TMEM143: variants seen among roughly 807,000 people sequenced by gnomAD.
TMEM143 encodes the protein transmembrane protein 143.
In TMEM143, 45 loss-of-function variants were observed where a neutral mutation model predicts 40.3. That is an observed-to-expected ratio of 1.12 (90% CI 0.88 to 1.43). The LOEUF is 1.43. Ranked by LOEUF, TMEM143 falls within the 40% of genes most tolerant of loss-of-function variation. TMEM143 has a pLI of 0.00. For synonymous variants in TMEM143, 299 were observed against 282.7 expected, an observed-to-expected ratio of 1.06 and a Z score of -0.58; for missense variants, 620 against 613.4, an observed-to-expected ratio of 1.01 and a Z score of -0.11.
chr19:48,338,852 G>T (rs1261921691), intron 6 of TMEM143, among the ~76,000 whole-genome samples: 2 of 149,794 alleles, frequency 1.3e-5, no homozygotes, highest in African/African-American at 2.6e-5. Flanking sequence ...GGGACATCCG[G>T]GAAGGCTTCC....
In TMEM143 at chr19:48,334,180, G is replaced by A. The variant is rs374164587; in HGVS notation, c.993C>T (p.Arg331=). ...LRASKMFGQR[R]SAQALELAHM... The stretch of plus-strand genomic sequence containing the variant: ...GCGCCAGCTCCAACGCCTGCGCGCT[G>A]CGCCGCTGCCCGAACATCTGCAGGC... The change falls in exon 7 of 8, where the codon CGC becomes CGT. Residue 331 remains arginine (R), a synonymous_variant. Transcript: ENST00000293261. 2.1e-5 allele frequency: 34 copies of A among 1,604,210 alleles called. No individual in the cohort carries two copies. Among genetic ancestry groups the A allele is most frequent in the African/African-American group, 2.0e-4 (15 of 74,904 alleles).
Position 48,333,176 on chromosome 19 carries a change from C to T in TMEM143, c.*43G>A, listed in dbSNP as rs766210241. 11 of 1,370,686 alleles carry T rather than the reference C, an allele frequency of 8.0e-6. No individual in the cohort carries two copies. Among genetic ancestry groups the T allele is most frequent in the Admixed American group, 2.6e-5 (1 of 38,420 alleles). The allele number at this position is 1,370,686 out of a possible 1,614,324, so 84.9% of individuals were successfully genotyped here. On this transcript the variant is annotated 3_prime_UTR_variant, in exon 8 of 8. Coordinates refer to ENST00000293261, the MANE Select transcript of TMEM143 (RefSeq NM_018273.4). This position sits in a 1 kb window ranked among gnomAD's most constrained non-coding sequence, Gnocchi z 4.1. ...ACAGCCTGTCGTGAAGGAGGCGGGG[C>T]TTAGTTCCTAGCCTGCTGACTGGGC...
chr19:48,345,209 T>C lies in TMEM143; in HGVS notation c.515A>G (p.Asp172Gly), dbSNP rs1446589679. The change falls in exon 4 of 8, where the codon GAC (aspartate) becomes GGC (glycine). Residue 172 changes from aspartate to glycine, a missense_variant. By Grantham distance (94) the Asp-to-Gly change is moderately conservative. Transcript: ENST00000293261. ...AQANFSPLSE[D>G]TLAYALVVHH... Reference sequence around the variant, plus strand: ...GACCACCAGCGCGTAGGCCAGGGTGTCCTCAGACAGCGGGGAGAAGTTGGC... The same window carrying C: ...GACCACCAGCGCGTAGGCCAGGGTGCCCTCAGACAGCGGGGAGAAGTTGGC... The C allele has an allele frequency of 6.2e-7, 1 of 1,613,444 alleles. No individual in the cohort carries two copies. Among genetic ancestry groups the C allele is most frequent in the Non-Finnish European group, 8.5e-7 (1 of 1,179,680 alleles).
rs535016765 is a variant in TMEM143 at position 48,353,844 on chromosome 19, G to T, written c.369+6228C>A. 3.3e-5 allele frequency among the ~76,000 whole-genome samples: 5 copies of T among 151,642 alleles called. No individual in the cohort carries two copies. The South Asian group carries it at 1.0e-3, about 32-fold the overall frequency. On this transcript the variant is annotated intron_variant, in intron 3 of 7. Coordinates refer to ENST00000293261, the MANE Select transcript of TMEM143 (RefSeq NM_018273.4). ...GGAAGATGGAGACAGGGGTTGGAGT[G>T]ACTCATCTACAAGCCAAGGAGCACC...
intron 4 of TMEM143, among the ~76,000 whole-genome samples, 200 bp from the exon 5 acceptor site, chr19:48,343,651 C>A (rs1303715760): frequency 6.6e-6 from 1 of 152,198 alleles, no homozygotes; most frequent in Non-Finnish European, 1.5e-5. Context: ...CAGTGCCATT[C>A]ACGTAGAAGT....
chr19:48,353,891 G>A (rs1431483218), intron 3 of TMEM143, among the ~76,000 whole-genome samples: 1 of 151,546 alleles, frequency 6.6e-6, no homozygotes, highest in Non-Finnish European at 1.5e-5. Context: ...GCAGCTACAG[G>A]AAGCCAGGAG....
rs754281558 is a variant in TMEM143, at chr19:48,360,196, A to C, written c.265-20T>G. The C allele has an allele frequency of 6.2e-7, 1 of 1,611,896 alleles. No homozygotes were observed. Among genetic ancestry groups the C allele is most frequent in the East Asian group, 2.2e-5 (1 of 44,856 alleles). On this transcript the variant is annotated intron_variant, in intron 2 of 7. Coordinates refer to ENST00000293261, the MANE Select transcript of TMEM143 (RefSeq NM_018273.4). ...GAATTCCTGTTACCTCAGGAAGCAA[A>C]ACTTCTCTGTAGGCCTTTTCCCCTT...
intron 3 of TMEM143, among the ~76,000 whole-genome samples, chr19:48,348,248 T>C (rs1483902331): frequency 6.6e-6 from 1 of 152,166 alleles, no homozygotes; most frequent in Non-Finnish European, 1.5e-5. Flanking sequence ...GATTCTCTTC[T>C]GGAAACTTCA....
At chr19:48,336,060 C>T (rs1969359322) in intron 6 of TMEM143, among the ~76,000 whole-genome samples, 1 of 152,092 alleles carries the variant, frequency 6.6e-6, no homozygotes, top group Non-Finnish European at 1.5e-5. Context: ...GAAATGAGGG[C>T]ATCAGTGCCC....
At chr19:48,359,610 C>G (rs1349621748) in intron 3 of TMEM143, among the ~76,000 whole-genome samples, 1 of 151,534 alleles carries the variant, frequency 6.6e-6, no homozygotes, top group Non-Finnish European at 1.5e-5. Flanking sequence ...GGGTTCATGC[C>G]ATTCTCCTGC....
intron 3 of TMEM143, among the ~76,000 whole-genome samples, chr19:48,359,057 T>C: frequency 6.6e-6 from 1 of 152,114 alleles, no homozygotes; most frequent in East Asian, 1.9e-4. Context: ...TGGTCCCAGC[T>C]ACTCAGGAGG....
chr19:48,342,604 G>A lies in TMEM143; in HGVS notation c.901C>T (p.Leu301=). The change falls in exon 6 of 8, where the codon CTA becomes TTA. Residue 301 remains leucine (L), a synonymous_variant. Coordinates refer to ENST00000293261, the MANE Select transcript of TMEM143 (RefSeq NM_018273.4). ...AIFVNVGMVV[L]TDLKVATSLL... ...GAGGTGGCCACCTTGAGGTCGGTTAGCACCACCATGCCCACGTTGACGAAG... is the reference window on the plus strand; with the variant it reads ...GAGGTGGCCACCTTGAGGTCGGTTAACACCACCATGCCCACGTTGACGAAG... 1.2e-6 allele frequency: 2 copies of A among 1,613,714 alleles called. No homozygotes were observed. Among genetic ancestry groups the A allele is most frequent in the Non-Finnish European group, 1.7e-6 (2 of 1,179,968 alleles).
At position 48,342,845 on chromosome 19, in the gene TMEM143, G is replaced by T. The variant is rs765380373; in HGVS notation, c.696-36C>A. 3.8e-6 allele frequency: 6 copies of T among 1,563,178 alleles called. No individual in the cohort carries two copies. In the South Asian group the frequency reaches 7.2e-5, roughly 19 times the overall value. On this transcript the variant is annotated intron_variant, in intron 5 of 7. Transcript: ENST00000293261. ...GAGACAGAGGCAGGAGCAGGATCGG[G>T]ACTGCACTGCCCGGGGAGCCCCCTC...
chr19:48,355,968 A>C (rs1220890281), intron 3 of TMEM143, among the ~76,000 whole-genome samples: 2 of 152,216 alleles, frequency 1.3e-5, no homozygotes, highest in Non-Finnish European at 2.9e-5. Flanking sequence ...CCAGGCTTAC[A>C]GGAGCATCCC....
In TMEM143 at chr19:48,333,909, G is replaced by A. The variant is rs1233792208; in HGVS notation, c.1165+99C>T. 29 of 1,318,592 alleles carry A rather than the reference G, an allele frequency of 2.2e-5. No individual in the cohort carries two copies. The highest frequency in any genetic ancestry group is 2.7e-5 in the Non-Finnish European group (27 of 991,250). The allele number at this position is 1,318,592 out of a possible 1,614,324, so 81.7% of individuals were successfully genotyped here. On this transcript the variant is annotated intron_variant, in intron 7 of 7. Coordinates refer to ENST00000293261, the MANE Select transcript of TMEM143 (RefSeq NM_018273.4). This position sits in a 1 kb window ranked among gnomAD's most constrained non-coding sequence, Gnocchi z 4.1. ...CCGGGGTCTCTTCGCAAACCCGTCAGGTTCACCCGTGGGAACTGGGGGTGG... is the reference window on the plus strand; with the variant it reads ...CCGGGGTCTCTTCGCAAACCCGTCAAGTTCACCCGTGGGAACTGGGGGTGG...
Position 48,360,083 on chromosome 19 carries a change from C to T in TMEM143, c.358G>A (p.Ala120Thr). 6.2e-7 allele frequency: 1 copy of T among 1,614,062 alleles called. No homozygotes were observed. The highest frequency in any genetic ancestry group is 8.5e-7 in the Non-Finnish European group (1 of 1,180,010). ...CTLFHYHQIL[A>T]RLQALYDPIN... is the part of the protein sequence containing the mutation. Reference sequence around the variant, plus strand: ...GGCCCCGTCCTCACCTGCAGCCGGGCCAGGATTTGGTGGTAGTGGAACAGG... The same window carrying T: ...GGCCCCGTCCTCACCTGCAGCCGGGTCAGGATTTGGTGGTAGTGGAACAGG... Residue 120 changes from alanine (A) to threonine (T), a missense_variant, in exon 3 of 8, where the codon GCC (alanine) becomes ACC (threonine). Coordinates refer to ENST00000293261, the MANE Select transcript of TMEM143 (RefSeq NM_018273.4).
At position 48,334,139 on chromosome 19, in the gene TMEM143, C is replaced by CG. The variant is rs1389772899; in HGVS notation, c.1033dup (p.Arg345ProfsTer65). ...CAGCTCCGAGTTGTTGGACGTACTG[C>CG]GATAGTACAGCATGTGCGCCAGCTC... On this transcript the variant is annotated frameshift_variant, in exon 7 of 8. Transcript: ENST00000293261. LOFTEE classifies it high-confidence loss of function. 1 of 1,608,306 alleles carries CG rather than the reference C, an allele frequency of 6.2e-7. No homozygotes were observed. The highest frequency in any genetic ancestry group is 1.3e-5 in the African/African-American group (1 of 74,838).
In TMEM143 at chr19:48,342,582, G is replaced by A. The variant is rs768766993; in HGVS notation, c.923C>T (p.Thr308Ile). 4 of 1,613,256 alleles carry A rather than the reference G, an allele frequency of 2.5e-6. No individual in the cohort carries two copies. The South Asian group carries it at 4.4e-5, about 18-fold the overall frequency. Reference sequence around the variant, plus strand: ...GGCGAAGAGCAGCAGCAGCAGGGAGGTGGCCACCTTGAGGTCGGTTAGCAC... The same window carrying A: ...GGCGAAGAGCAGCAGCAGCAGGGAGATGGCCACCTTGAGGTCGGTTAGCAC... ...MVVLTDLKVA[T>I]SLLLLLFAIF... Residue 308 changes from threonine to isoleucine, a missense_variant, in exon 6 of 8, where the codon ACC (threonine) becomes ATC (isoleucine). By Grantham distance (89) the Thr-to-Ile change is moderately conservative. Transcript: ENST00000293261.
chr19:48,344,436 G>A (rs1027898644), intron 4 of TMEM143, among the ~76,000 whole-genome samples: 4 of 150,668 alleles, frequency 2.7e-5, no homozygotes, highest in East Asian at 3.9e-4. Context: ...CTGCAGGCCC[G>A]CACCACCATA....
Sources: gnomAD v4.1 joint callset for allele counts (sites outside exome capture counted in the v4.1 genomes callset) on GRCh38, gnomAD v4.1.1 for gene constraint, Gnocchi (gnomAD v3.1) non-coding constraint, MANE v1.5 for transcripts, NCBI Gene and HGNC (gene_info 2026-07-23, HGNC 2026-07-21) for gene names.